The following STK10 variants were observed in gnomAD, a reference collection of about 807,000 sequenced individuals.
STK10 encodes the protein serine/threonine kinase 10, also known as serine/threonine-protein kinase 10.
STK10 carries 78 observed loss-of-function variants against 113.8 expected under a neutral mutation model. The ratio of observed to expected loss-of-function variants is 0.69; its 90% CI spans 0.57 to 0.83. STK10 has a LOEUF of 0.83. Among genes scored for constraint, STK10 ranks in the 40% least tolerant of loss-of-function variants. The probability of loss-of-function intolerance (pLI) is 0.00; values close to 1 mark genes in which losing one functional copy is unlikely to be tolerated. For synonymous variants in STK10, 465 were observed against 494.7 expected (o/e 0.94, Z 0.80); for missense variants, 1,109 against 1,280.1 (o/e 0.87, Z 2.04).
intron 2 of STK10, among the ~76,000 whole-genome samples, chr5:172,149,522 C>CTGTGTG (rs367896863): frequency 7.3e-6 from 1 of 136,454 alleles, no homozygotes; most frequent in South Asian, 2.4e-4. Flanking sequence ...GTGTGTGTGT[C>CTGTGTG]TGTGTGTGTG....
At position 172,133,392 on chromosome 5, in the gene STK10, C is replaced by T. The variant is rs917241048; in HGVS notation, c.322-5971G>A. 6.6e-6 allele frequency among the ~76,000 whole-genome samples: 1 copy of T among 152,200 alleles called. No homozygotes were observed. The highest frequency in any genetic ancestry group is 1.5e-5 in the Non-Finnish European group (1 of 68,034). On this transcript the variant is annotated intron_variant, in intron 2 of 18. Transcript: ENST00000176763. The surrounding 1 kb of genome is among the most constrained non-coding windows in gnomAD (Gnocchi z 4.9). ...CCATGGCTACCTCCCCCTCCACATA[C>T]ACCATGTCTTCCTTCCCCTTTGTGA...
chr5:172,168,572 T>A (rs965083641), intron 1 of STK10, among the ~76,000 whole-genome samples: 1 of 152,154 alleles, frequency 6.6e-6, no homozygotes, highest in Non-Finnish European at 1.5e-5. Context: ...GAAAAAGGCC[T>A]GTCAAACCCT....
intron 2 of STK10, among the ~76,000 whole-genome samples, chr5:172,155,967 C>G (rs1267889240): frequency 6.6e-6 from 1 of 151,904 alleles, no homozygotes. Context: ...TGCATTCCAG[C>G]CTGGGCAACA....
chr5:172,147,860 A>T (rs1235114010), intron 2 of STK10, among the ~76,000 whole-genome samples: 1 of 152,154 alleles, frequency 6.6e-6, no homozygotes, highest in Non-Finnish European at 1.5e-5. Flanking sequence ...CTGAGGCCTA[A>T]CTCACCCAAC....
intron 3 of STK10, among the ~76,000 whole-genome samples, chr5:172,126,425 A>T (rs6875704): frequency 6.6e-6 from 1 of 152,154 alleles, no homozygotes; most frequent in African/African-American, 2.4e-5. Context: ...TTAGCCGGGC[A>T]TGGTCGTGGG....
chr5:172,131,015 T>G (rs1311754502), intron 2 of STK10, among the ~76,000 whole-genome samples: 1 of 150,258 alleles, frequency 6.7e-6, no homozygotes, highest in Non-Finnish European at 1.5e-5. Context: ...CTAAAAGTTA[T>G]GGACATGCCA....
At chr5:172,057,161 C>A (rs1289133254) in intron 15 of STK10, 188 bp downstream of exon 15, 5 of 701,910 alleles carry the variant, frequency 7.1e-6, no homozygotes, top group Non-Finnish European at 1.2e-5. Context: ...CTATTCCTAG[C>A]CCCTTGAGCT....
chr5:172,138,654 A>G (rs2113798936), intron 2 of STK10, among the ~76,000 whole-genome samples: 1 of 152,294 alleles, frequency 6.6e-6, no homozygotes, highest in Admixed American at 6.5e-5. Flanking sequence ...AAAACTTAAG[A>G]AGAAATAAAC....
At chr5:172,106,989 A>C in intron 5 of STK10, 175 bp from the exon 6 acceptor site, 6 of 509,398 alleles carry the variant, frequency 1.2e-5, no homozygotes, top group Non-Finnish European at 1.9e-5. Flanking sequence ...CCACAGAAAA[A>C]CGCCTCCACG....
intron 1 of STK10, among the ~76,000 whole-genome samples, chr5:172,175,786 G>A (rs1454211854): frequency 3.3e-5 from 5 of 152,168 alleles, no homozygotes; most frequent in African/African-American, 9.7e-5. Flanking sequence ...AAAGAGACAC[G>A]CTCCTGGCCA....
At chr5:172,114,449 T>TTATATATATATATATATATATATATATA (rs1174071621) in intron 4 of STK10, 10 of 38,240 alleles carry the variant, frequency 2.6e-4, no homozygotes, top group Non-Finnish European at 3.9e-4. Context: ...TATATTAAAA[T>TTATATATATATATATATATATATATATA]TATATATATA....
chr5:172,082,565 T>C lies in STK10; in HGVS notation c.1810-60A>G. 1 of 1,513,782 alleles carries C rather than the reference T, an allele frequency of 6.6e-7. No homozygotes were observed. Among genetic ancestry groups the C allele is most frequent in the South Asian group, 1.3e-5 (1 of 74,868 alleles). The allele number at this position is 1,513,782 out of a possible 1,614,324, so 93.8% of individuals were successfully genotyped here. A position where few individuals can be genotyped will look rare whatever the true frequency, so the allele number is the denominator to read the frequency against. On this transcript the variant is annotated intron_variant, in intron 11 of 18. Coordinates refer to ENST00000176763, the MANE Select transcript of STK10 (RefSeq NM_005990.4). This position sits in a 1 kb window ranked among gnomAD's most constrained non-coding sequence, Gnocchi z 4.3. The stretch of plus-strand genomic sequence containing the variant: ...AGTCACTTTATACCTGGGAGGGACA[T>C]GGGAAGTGGAATGGGGAGAACTCAG...
Position 172,093,622 on chromosome 5 carries a change from GCTGGC to G in STK10, c.1339_1343del (p.Ala447ProfsTer46). 1 of 1,614,248 alleles carries G rather than the reference GCTGGC, an allele frequency of 6.2e-7. No homozygotes were observed. The highest frequency in any genetic ancestry group is 8.5e-7 in the Non-Finnish European group (1 of 1,180,030). The stretch of plus-strand genomic sequence containing the variant: ...GGGCGCTGCTGTTGGGCCGGCTCTG[GCTGGC>G]CTTTTGAGATCTGTTGGCTGCTGGG... On this transcript the variant is annotated frameshift_variant, in exon 9 of 19. Coordinates refer to ENST00000176763, the MANE Select transcript of STK10 (RefSeq NM_005990.4). LOFTEE classifies it high-confidence loss of function. This position sits in a 1 kb window ranked among gnomAD's most constrained non-coding sequence, Gnocchi z 4.1.
intron 12 of STK10, among the ~76,000 whole-genome samples, chr5:172,065,069 C>T (rs1201277622): frequency 6.6e-6 from 1 of 152,174 alleles, no homozygotes; most frequent in Non-Finnish European, 1.5e-5. Context: ...TGGTATCCAC[C>T]CCCCTCTTCT....
At chr5:172,184,102 C>T (rs1183752045) in intron 1 of STK10, among the ~76,000 whole-genome samples, 3 of 152,140 alleles carry the variant, frequency 2.0e-5, no homozygotes, top group Non-Finnish European at 4.4e-5. Flanking sequence ...CTGGCAGTCC[C>T]TCCTCAGCTC....
At chr5:172,069,906 C>G (rs946435830) in intron 12 of STK10, among the ~76,000 whole-genome samples, 1 of 152,156 alleles carries the variant, frequency 6.6e-6, no homozygotes, top group Non-Finnish European at 1.5e-5. Flanking sequence ...CAGACCACAT[C>G]CCGGACCATA....
chr5:172,149,559 C>CCCCAAAGT (rs3839237), intron 2 of STK10, among the ~76,000 whole-genome samples: 21 of 150,888 alleles, frequency 1.4e-4, no homozygotes, highest in Non-Finnish European at 7.4e-5. Flanking sequence ...CAACCGGGTG[C>CCCCAAAGT]CCCAATCCAG....
chr5:172,183,340 G>A (rs1264985539), intron 1 of STK10, among the ~76,000 whole-genome samples: 1 of 152,096 alleles, frequency 6.6e-6, no homozygotes, highest in Non-Finnish European at 1.5e-5. Flanking sequence ...AAGCACACCC[G>A]CTAAAGTCAG....
chr5:172,148,957 A>G (rs1170287679), intron 2 of STK10, among the ~76,000 whole-genome samples: 1 of 152,158 alleles, frequency 6.6e-6, no homozygotes, highest in Non-Finnish European at 1.5e-5. Flanking sequence ...AGGCGGAGGG[A>G]GGCAAATCGC....
Sources: allele counts gnomAD v4.1 joint callset (sites outside exome capture counted in the v4.1 genomes callset), GRCh38; gene constraint gnomAD v4.1.1; non-coding constraint Gnocchi (gnomAD v3.1); transcripts MANE v1.5; gene names NCBI Gene and HGNC (gene_info 2026-07-23, HGNC 2026-07-21).